The following TNFSF10 variants were observed in gnomAD, a reference collection of about 807,000 sequenced individuals.
The protein encoded by TNFSF10 is TNF superfamily member 10.
Under a neutral mutation model 29.5 loss-of-function variants are expected in TNFSF10, and 13 were observed. The ratio of observed to expected loss-of-function variants is 0.44; its 90% CI spans 0.29 to 0.70. TNFSF10 has a LOEUF of 0.70. Among genes scored for constraint, TNFSF10 ranks in the 30% least tolerant of loss-of-function variants. TNFSF10 has a pLI of 0.13. For missense variants in TNFSF10, 345 were observed against 330.9 expected (o/e 1.04, Z -0.33); for synonymous variants, 111 against 112.8 (o/e 0.98, Z 0.10).
intron 4 of TNFSF10, chr3:172,507,329 G>C (rs564405417): frequency 1.3e-3 from 216 of 163,512 alleles, no homozygotes; most frequent in Non-Finnish European, 1.4e-3. Context: ...CGAAATAAAC[G>C]TATCTATTTC....
At chr3:172,513,834 A>ATTT (rs5854474) in intron 2 of TNFSF10, among the ~76,000 whole-genome samples, 2 of 146,590 alleles carry the variant, frequency 1.4e-5, no homozygotes, top group African/African-American at 5.0e-5. Context: ...GGCAGAAGCA[A>ATTT]TTTTTTTTTT....
intron 2 of TNFSF10, among the ~76,000 whole-genome samples, chr3:172,512,842 A>G (rs1429247133): frequency 6.6e-6 from 1 of 152,244 alleles, no homozygotes; most frequent in Non-Finnish European, 1.5e-5. Flanking sequence ...CCCTGCATTC[A>G]AATGTTTCAG....
At chr3:172,521,076 G>A (rs776189681) in intron 1 of TNFSF10, among the ~76,000 whole-genome samples, 10 of 152,114 alleles carry the variant, frequency 6.6e-5, no homozygotes, top group African/African-American at 9.7e-5. Flanking sequence ...AGACTTAAAC[G>A]TAAAACCTAA....
chr3:172,518,044 T>C (rs1230877151), intron 1 of TNFSF10: 2 of 995,586 alleles, frequency 2.0e-6, no homozygotes, highest in East Asian at 1.1e-4. Context: ...GCTGTGGTTA[T>C]TCCAAGAATG....
intron 4 of TNFSF10, 55 bp from the exon 5 acceptor site, chr3:172,506,974 A>C (rs1273398670): frequency 2.2e-6 from 3 of 1,385,800 alleles, no homozygotes; most frequent in Non-Finnish European, 2.8e-6. Flanking sequence ...GTAGCAAAGC[A>C]AGGAGCTTTT....
chr3:172,520,756 G>A (rs774796530), intron 1 of TNFSF10, among the ~76,000 whole-genome samples: 6 of 152,118 alleles, frequency 3.9e-5, no homozygotes, highest in Non-Finnish European at 7.4e-5. Flanking sequence ...TCACCCTCAA[G>A]AATTCATGAG....
chr3:172,507,890 T>C (rs1009985829), intron 4 of TNFSF10, among the ~76,000 whole-genome samples: 2 of 152,228 alleles, frequency 1.3e-5, no homozygotes, highest in Non-Finnish European at 2.9e-5. Context: ...CTTGAGGACA[T>C]ACAATAGACC....
intron 4 of TNFSF10, among the ~76,000 whole-genome samples, chr3:172,508,775 G>C (rs1421087716): frequency 6.6e-6 from 1 of 152,068 alleles, no homozygotes; most frequent in Non-Finnish European, 1.5e-5. Flanking sequence ...TGTAATCCCA[G>C]CTACTTGGGA....
rs553535563 is a variant in TNFSF10, at chr3:172,506,773, A to T, written c.565T>A (p.Tyr189Asn). ...TTTATTTCCTCCTGAAATCGAAAGT[A>T]TGTTTGGGAATAGATGTAGTAAAAC... is the stretch of plus-strand genomic sequence containing the variant. ...KGFYYIYSQT[Y>N]FRFQEEIKEN... The change falls in exon 5 of 5, where the codon TAC becomes AAC. Residue 189 changes from tyrosine to asparagine, a missense_variant. Transcript: ENST00000241261. 1.2e-6 allele frequency: 2 copies of T among 1,614,174 alleles called. No individual in the cohort carries two copies. The highest frequency in any genetic ancestry group is 4.5e-5 in the East Asian group (2 of 44,882).
At chr3:172,511,294 C>T (rs368546475) in intron 3 of TNFSF10, among the ~76,000 whole-genome samples, 2 of 152,192 alleles carry the variant, frequency 1.3e-5, no homozygotes, top group Middle Eastern at 3.4e-3. Context: ...TTCCCAGAAA[C>T]GATTTAAGAT....
At chr3:172,514,566 G>C (rs961066313) in intron 2 of TNFSF10, among the ~76,000 whole-genome samples, 11 of 152,092 alleles carry the variant, frequency 7.2e-5, no homozygotes, top group East Asian at 1.9e-4. Context: ...TCATTACCCT[G>C]TGTGTGCCTC....
intron 1 of TNFSF10, among the ~76,000 whole-genome samples, chr3:172,519,375 AG>A (rs1713583739): frequency 6.6e-6 from 1 of 151,358 alleles, no homozygotes; most frequent in South Asian, 2.1e-4. Flanking sequence ...AGTTGAGTAA[AG>A]AACTGGTTGA....
At chr3:172,513,738 C>T (rs540461012) in intron 2 of TNFSF10, among the ~76,000 whole-genome samples, 10 of 152,222 alleles carry the variant, frequency 6.6e-5, no homozygotes, top group East Asian at 5.8e-4. Flanking sequence ...CCCCAGTTAA[C>T]GTCTTTAAAC....
chr3:172,518,013 C>A, intron 1 of TNFSF10: 8 of 987,598 alleles, frequency 8.1e-6, no homozygotes, highest in Non-Finnish European at 9.6e-6. Flanking sequence ...TGACTAGACA[C>A]ATGGCGGGTT....
At chr3:172,520,068 G>A (rs949842629) in intron 1 of TNFSF10, among the ~76,000 whole-genome samples, 1 of 152,184 alleles carries the variant, frequency 6.6e-6, no homozygotes, top group Non-Finnish European at 1.5e-5. Context: ...TGGTTGTGGT[G>A]GTGGGGGGAG....
intron 1 of TNFSF10, among the ~76,000 whole-genome samples, chr3:172,519,889 C>T (rs532081940): frequency 7.9e-5 from 12 of 152,330 alleles, no homozygotes; most frequent in South Asian, 4.1e-4. Context: ...CTGCAGGATG[C>T]GCTGTGCATG....
intron 1 of TNFSF10, among the ~76,000 whole-genome samples, chr3:172,515,873 T>C (rs577298870): frequency 6.6e-6 from 1 of 151,636 alleles, no homozygotes; most frequent in East Asian, 1.9e-4. Context: ...GCCAGAAGGG[T>C]TTTGTTTGTT....
At position 172,506,444 on chromosome 3, in the gene TNFSF10, A is replaced by G. The variant is rs770756987; in HGVS notation, c.*48T>C. The G allele has an allele frequency of 6.5e-7, 1 of 1,533,880 alleles. No homozygotes were observed. Among genetic ancestry groups the G allele is most frequent in the Admixed American group, 2.2e-5 (1 of 45,824 alleles). On this transcript the variant is annotated 3_prime_UTR_variant, in exon 5 of 5. Transcript: ENST00000241261. The stretch of plus-strand genomic sequence containing the variant: ...AACATCTTCATAGTGTATCATCCTG[A>G]AAACTGAATAGTCACTTTGAGGTTA...
At chr3:172,510,158 A>G (rs887085707) in intron 3 of TNFSF10, among the ~76,000 whole-genome samples, 10 of 152,206 alleles carry the variant, frequency 6.6e-5, no homozygotes, top group African/African-American at 2.2e-4. Context: ...TTCACTGACC[A>G]TGTCCTCAAG....
Sources: gnomAD v4.1 joint callset for allele counts (sites outside exome capture counted in the v4.1 genomes callset) on GRCh38, gnomAD v4.1.1 for gene constraint, MANE v1.5 for transcripts, NCBI Gene and HGNC (gene_info 2026-07-23, HGNC 2026-07-21) for gene names.